The following SPAG16 variants were observed in gnomAD, a reference collection of about 807,000 sequenced individuals.
SPAG16 encodes the protein sperm associated antigen 16, also known as sperm-associated antigen 16 protein.
Under a neutral mutation model 80.4 loss-of-function variants are expected in SPAG16, and 86 were observed. The observed-to-expected ratio is 1.07, with a 90% confidence interval of 0.90 to 1.28. The LOEUF (loss-of-function observed/expected upper bound fraction) is 1.28, where lower values mean the gene tolerates loss of function less well. SPAG16 is among the 50% of genes most tolerant of loss of function. SPAG16 has a pLI of 0.00. For synonymous variants in SPAG16, 294 were observed against 265.9 expected, an observed-to-expected ratio of 1.11 and a Z score of -1.03; for missense variants, 870 against 765.3, an observed-to-expected ratio of 1.14 and a Z score of -1.61.
intron 10 of SPAG16, among the ~76,000 whole-genome samples, chr2:213,615,602 A>G (rs539268210): frequency 3.9e-5 from 6 of 152,274 alleles, no homozygotes; most frequent in East Asian, 1.9e-4. Flanking sequence ...AAATGAACAA[A>G]CAAAAACAAT....
rs1559430372 is a variant in SPAG16, at chr2:213,342,307, T to TATATATATATGAC, written c.644+2045_644+2046insATGACATATATAT. Among the ~76,000 whole-genome samples the TATATATATATGAC allele has an allele frequency of 5.2e-3, 752 of 145,014 alleles. 17 individuals carry two copies. Among genetic ancestry groups the TATATATATATGAC allele is most frequent in the African/African-American group, 0.018 (712 of 39,106 alleles). On this transcript the variant is annotated intron_variant, in intron 6 of 15. Transcript: ENST00000331683. ...TATGTATATATATATGACATATGTG[T>TATATATATATGAC]ATATATATGTTACATATATGTGTAT...
intron 15 of SPAG16, among the ~76,000 whole-genome samples, chr2:214,245,415 A>G (rs976911): frequency 1.1e-4 from 16 of 152,100 alleles, no homozygotes; most frequent in African/African-American, 3.9e-4. Context: ...TATCTTAATG[A>G]TACATTTTTA....
chr2:213,734,014 A>C (rs1349304941), intron 10 of SPAG16, among the ~76,000 whole-genome samples: 1 of 152,148 alleles, frequency 6.6e-6, no homozygotes, highest in Non-Finnish European at 1.5e-5. Flanking sequence ...TAGATTTAGA[A>C]GTTCACATCA....
intron 10 of SPAG16, among the ~76,000 whole-genome samples, chr2:213,591,419 A>C (rs1445368063): frequency 6.6e-6 from 1 of 152,226 alleles, no homozygotes; most frequent in Non-Finnish European, 1.5e-5. Flanking sequence ...AAGAGAAGAC[A>C]ATGCCTCCAA....
chr2:214,331,246 C>T (rs954249451), intron 15 of SPAG16, among the ~76,000 whole-genome samples: 1 of 152,088 alleles, frequency 6.6e-6, no homozygotes, highest in Non-Finnish European at 1.5e-5. Context: ...CCCAAACATA[C>T]TTTTTGCTGT....
At chr2:213,748,746 T>TATAAATAGA (rs2125479375) in intron 10 of SPAG16, among the ~76,000 whole-genome samples, 1 of 152,332 alleles carries the variant, frequency 6.6e-6, no homozygotes, top group South Asian at 2.1e-4. Context: ...CTTTTTTAGA[T>TATAAATAGA]ATGTAATATA....
intron 15 of SPAG16, among the ~76,000 whole-genome samples, chr2:214,382,958 C>G (rs1219841702): frequency 6.6e-6 from 1 of 152,068 alleles, no homozygotes; most frequent in South Asian, 2.1e-4. Context: ...CATGCCTGTA[C>G]CTTTGCTCAT....
chr2:213,532,603 G>A (rs1381934050), intron 10 of SPAG16, among the ~76,000 whole-genome samples: 2 of 151,552 alleles, frequency 1.3e-5, no homozygotes, highest in Non-Finnish European at 2.9e-5. Flanking sequence ...CTGGGACTAC[G>A]GCTACACATC....
At chr2:213,343,237 A>G (rs2064790599) in intron 6 of SPAG16, among the ~76,000 whole-genome samples, 3 of 152,098 alleles carry the variant, frequency 2.0e-5, no homozygotes, top group Admixed American at 6.6e-5. Context: ...ACCTCACTGA[A>G]TACTCTGAGC....
chr2:213,356,647 T>G (rs3108148), intron 7 of SPAG16, among the ~76,000 whole-genome samples: 1 of 152,326 alleles, frequency 6.6e-6, no homozygotes, highest in Admixed American at 6.5e-5. Context: ...CCTTTCTTCT[T>G]TATTAGTCTT....
intron 10 of SPAG16, among the ~76,000 whole-genome samples, chr2:213,677,812 T>C (rs1319945175): frequency 6.6e-6 from 1 of 152,120 alleles, no homozygotes; most frequent in East Asian, 1.9e-4. Context: ...CAACAGAATA[T>C]ACATTTTTTT....
At chr2:213,920,911 C>G in intron 11 of SPAG16, among the ~76,000 whole-genome samples, 1 of 152,260 alleles carries the variant, frequency 6.6e-6, no homozygotes, top group East Asian at 1.9e-4. Context: ...TTTGTTCCAA[C>G]TCAAGTATCC....
chr2:213,711,757 TG>T (rs2065998497), intron 10 of SPAG16, among the ~76,000 whole-genome samples: 1 of 152,022 alleles, frequency 6.6e-6, no homozygotes, highest in Non-Finnish European at 1.5e-5. Context: ...TGACCTCAGG[TG>T]ATCTGCCTGC....
chr2:214,123,964 T>A (rs1279810680), intron 14 of SPAG16, among the ~76,000 whole-genome samples: 2 of 152,004 alleles, frequency 1.3e-5, no homozygotes, highest in African/African-American at 4.8e-5. Flanking sequence ...ATGAGAAGTT[T>A]GTAATGGATT....
intron 15 of SPAG16, among the ~76,000 whole-genome samples, chr2:214,316,185 C>T (rs1392270127): frequency 4.0e-5 from 6 of 150,904 alleles, no homozygotes; most frequent in Non-Finnish European, 8.8e-5. Flanking sequence ...TTATGAACCT[C>T]AAGTGTCTTA....
chr2:213,353,526 A>G (rs376192566), intron 7 of SPAG16, among the ~76,000 whole-genome samples: 1 of 152,302 alleles, frequency 6.6e-6, no homozygotes, highest in Admixed American at 6.5e-5. Context: ...TTCCTAGGCT[A>G]TTGCCTGAAA....
At chr2:213,768,031 GTT>G (rs1270315548) in intron 10 of SPAG16, among the ~76,000 whole-genome samples, 5 of 152,148 alleles carry the variant, frequency 3.3e-5, no homozygotes, top group African/African-American at 1.2e-4. Flanking sequence ...TGGTGGGTAA[GTT>G]TGACTGCTTT....
At chr2:213,596,806 A>G (rs1331946870) in intron 10 of SPAG16, among the ~76,000 whole-genome samples, 1 of 152,166 alleles carries the variant, frequency 6.6e-6, no homozygotes, top group African/African-American at 2.4e-5. Context: ...GACCTCTGAA[A>G]TTAAACACGT....
chr2:213,448,548 A>G (rs2071488709), intron 9 of SPAG16, among the ~76,000 whole-genome samples: 1 of 152,198 alleles, frequency 6.6e-6, no homozygotes, highest in South Asian at 2.1e-4. Context: ...ATCCTGCATC[A>G]AAACTGAGAG....
Sources: gnomAD v4.1 joint callset for allele counts (sites outside exome capture counted in the v4.1 genomes callset) on GRCh38, gnomAD v4.1.1 for gene constraint, MANE v1.5 for transcripts, NCBI Gene and HGNC (gene_info 2026-07-23, HGNC 2026-07-21) for gene names.